The following GRIA3 variants were observed in gnomAD, a reference collection of about 807,000 sequenced individuals.
GRIA3 encodes glutamate receptor 3.
In GRIA3, 3 loss-of-function variants were observed where a neutral mutation model predicts 63.0. The observed-to-expected ratio is 0.05, with a 90% CI of 0.02 to 0.12. GRIA3 has a LOEUF of 0.12. GRIA3 is among the 10% of genes least tolerant of loss of function. The pLI is 1.00. For synonymous variants in GRIA3, 274 were observed against 257.9 expected (o/e 1.06, Z -0.60); for missense variants, 347 against 700.9 (o/e 0.50, Z 5.70).
intron 15 of GRIA3, among the ~76,000 whole-genome samples, chrX:123,485,499 GAT>G (rs891299398): frequency 2.9e-4 from 32 of 111,580 alleles, no homozygotes; most frequent in Non-Finnish European, 4.7e-4. Flanking sequence ...CCCATGGCCT[GAT>G]GTCCCCCAGG....
intron 5 of GRIA3, among the ~76,000 whole-genome samples, chrX:123,370,738 GTA>G (rs763958482): frequency 7.6e-5 from 8 of 104,609 alleles, no homozygotes; most frequent in Admixed American, 3.1e-4. Flanking sequence ...TACATCATAG[GTA>G]TATATATATG....
Position 123,490,467 on chromosome X carries a change from A to G in GRIA3, c.*1757A>G, listed in dbSNP as rs1256006106. ...AATGCTATAATGTCCCAGCGCGGGA[A>G]GCTCACGCTGTGTGAACATGAAGTT... On this transcript the variant is annotated 3_prime_UTR_variant, in exon 16 of 16. Transcript: ENST00000620443. 1.8e-5 allele frequency: 2 copies of G among 112,576 alleles called. No homozygotes were observed. The highest frequency in any genetic ancestry group is 6.5e-5 in the African/African-American group (2 of 30,858). 9.3% of individuals were successfully genotyped at this position (112,576 alleles called of 1,213,427 possible).
intron 5 of GRIA3, among the ~76,000 whole-genome samples, chrX:123,381,695 A>C (rs1284719832): frequency 8.9e-6 from 1 of 111,765 alleles, no homozygotes; most frequent in Non-Finnish European, 1.9e-5. Context: ...TGTGGAGAGA[A>C]TCAGTCTTTA....
intron 3 of GRIA3, among the ~76,000 whole-genome samples, chrX:123,314,043 C>T (rs1342505346): frequency 9.0e-6 from 1 of 111,033 alleles, no homozygotes; most frequent in Non-Finnish European, 1.9e-5. Flanking sequence ...GGCCTTCCCC[C>T]CACTGCCACC....
At chrX:123,252,006 T>A (rs913619723) in intron 2 of GRIA3, among the ~76,000 whole-genome samples, 1 of 112,095 alleles carries the variant, frequency 8.9e-6, no homozygotes, top group African/African-American at 3.2e-5. Flanking sequence ...ATGAATTAAA[T>A]TGGTTTTCCA....
chrX:123,348,700 G>C (rs910653082), intron 4 of GRIA3, among the ~76,000 whole-genome samples: 1 of 111,915 alleles, frequency 8.9e-6, no homozygotes, highest in African/African-American at 3.2e-5. Flanking sequence ...AAAGCTGCAG[G>C]CATCCTGTGT....
chrX:123,349,300 C>T (rs1444951220), intron 4 of GRIA3, among the ~76,000 whole-genome samples: 3 of 111,962 alleles, frequency 2.7e-5, no homozygotes, highest in Non-Finnish European at 5.6e-5. Flanking sequence ...ATCTGTTGCT[C>T]CTTTAATTTA....
intron 11 of GRIA3, among the ~76,000 whole-genome samples, chrX:123,421,571 A>T (rs988846424): frequency 8.9e-6 from 1 of 112,553 alleles, no homozygotes; most frequent in Non-Finnish European, 1.9e-5. Flanking sequence ...ATACACTCTG[A>T]CTTTTCTCAA....
At chrX:123,474,800 G>A (rs1282463362) in intron 13 of GRIA3, among the ~76,000 whole-genome samples, 3 of 111,864 alleles carry the variant, frequency 2.7e-5, no homozygotes, top group Non-Finnish European at 5.6e-5. Flanking sequence ...CCATCACTAA[G>A]ATAACATTGA....
chrX:123,410,474 T>G (rs1320932212), intron 10 of GRIA3, among the ~76,000 whole-genome samples: 1 of 112,059 alleles, frequency 8.9e-6, no homozygotes, highest in East Asian at 2.8e-4. Flanking sequence ...CCCAGACTCC[T>G]TCACGCTCCC....
At position 123,333,184 on chromosome X, in the gene GRIA3, C is replaced by T. The variant is rs144227797; in HGVS notation, c.696+6971C>T. On this transcript the variant is annotated intron_variant, in intron 4 of 15. Coordinates refer to ENST00000620443, the MANE Select transcript of GRIA3 (RefSeq NM_007325.5). ...GTAAAGGATATGACAGATGTTATTACCTGGATTTCAGAGGTCAATCTGAGG... is the reference window on the plus strand; with the variant it reads ...GTAAAGGATATGACAGATGTTATTATCTGGATTTCAGAGGTCAATCTGAGG... 6.5e-3 allele frequency among the ~76,000 whole-genome samples: 732 copies of T among 111,865 alleles called. 5 individuals are homozygous for T. The East Asian group carries it at 0.067, about 10-fold the overall frequency.
intron 5 of GRIA3, among the ~76,000 whole-genome samples, chrX:123,375,048 C>T (rs1268724993): frequency 9.0e-6 from 1 of 111,346 alleles, no homozygotes; most frequent in East Asian, 2.8e-4. Context: ...TTTTTCCCTC[C>T]ATTCTGTACA....
At chrX:123,280,402 C>T (rs185235094) in intron 3 of GRIA3, among the ~76,000 whole-genome samples, 120 of 111,911 alleles carry the variant, frequency 1.1e-3, no homozygotes, top group Non-Finnish European at 2.0e-3. Context: ...GGTTCTGTGG[C>T]GGAATGCCAA....
rs188287043 is a variant in GRIA3, at chrX:123,417,153, C to T, written c.1501-249C>T. ...CACTATTAGGAAAAGAAAGCAGAGT[C>T]GGTTGCTCTAAGCCAATGTGTCTCA... On this transcript the variant is annotated intron_variant, in intron 10 of 15. Coordinates refer to ENST00000620443, the MANE Select transcript of GRIA3 (RefSeq NM_007325.5). Among the ~76,000 whole-genome samples, 324 of 112,109 alleles carry T rather than the reference C, an allele frequency of 2.9e-3. 1 individual carries two copies. The highest frequency in any genetic ancestry group is 7.5e-3 in the African/African-American group (233 of 30,927).
At chrX:123,257,329 C>T (rs1006554971) in intron 3 of GRIA3, among the ~76,000 whole-genome samples, 7 of 109,770 alleles carry the variant, frequency 6.4e-5, no homozygotes, top group African/African-American at 2.3e-4. Flanking sequence ...CAACAATAAG[C>T]CTATGTCTGT....
chrX:123,234,703 G>A (rs1258537374), intron 2 of GRIA3, among the ~76,000 whole-genome samples: 1 of 111,563 alleles, frequency 9.0e-6, no homozygotes, highest in East Asian at 2.8e-4. Context: ...ACTCTTAATG[G>A]GTCCTTAACA....
At chrX:123,185,508 A>AGGGGGGGGGGGAGG (rs3216834) in intron 1 of GRIA3, among the ~76,000 whole-genome samples, 1 of 40,964 alleles carries the variant, frequency 2.4e-5, no homozygotes, top group African/African-American at 7.2e-5. Flanking sequence ...CGGGGGGCGG[A>AGGGGGGGGGGGAGG]GGGGGGGGGC....
chrX:123,229,918 A>G (rs182924818), intron 2 of GRIA3, among the ~76,000 whole-genome samples: 1 of 112,273 alleles, frequency 8.9e-6, no homozygotes, highest in African/African-American at 3.2e-5. Context: ...TATGATTATC[A>G]TGATGCAAAA....
intron 4 of GRIA3, among the ~76,000 whole-genome samples, chrX:123,327,490 G>C (rs2044913042): frequency 9.0e-6 from 1 of 111,499 alleles, no homozygotes; most frequent in Admixed American, 9.5e-5. Flanking sequence ...TGAAATTATA[G>C]TGAGCAGCTA....
Sources: gnomAD v4.1 joint callset for allele counts (sites outside exome capture counted in the v4.1 genomes callset) on GRCh38, gnomAD v4.1.1 for gene constraint, MANE v1.5 for transcripts, NCBI Gene and HGNC (gene_info 2026-07-23, HGNC 2026-07-21) for gene names.